The following ULK4 variants were observed in gnomAD, a reference collection of about 807,000 sequenced individuals.
ULK4 encodes the protein inactive serine/threonine-protein kinase ULK4.
A neutral mutation model predicts 160.6 loss-of-function variants in ULK4; 133 were observed. The observed-to-expected ratio is 0.83, with a 90% CI of 0.72 to 0.96. The LOEUF (loss-of-function observed/expected upper bound fraction) is 0.96. Ranked by LOEUF, ULK4 falls within the 40% of genes least tolerant of loss-of-function variation. The pLI is 0.00. For missense variants in ULK4, 1,580 were observed against 1,499.5 expected (o/e 1.05, Z -0.89); for synonymous variants, 534 against 539.8 (o/e 0.99, Z 0.15).
At chr3:41,413,146 G>T (rs2082444524) in intron 34 of ULK4, among the ~76,000 whole-genome samples, 1 of 152,096 alleles carries the variant, frequency 6.6e-6, no homozygotes, top group Admixed American at 6.5e-5. Flanking sequence ...CACGTGAAAG[G>T]GGTTTCCCCT....
intron 35 of ULK4, among the ~76,000 whole-genome samples, chr3:41,301,710 A>C (rs921915424): frequency 1.3e-5 from 2 of 152,206 alleles, no homozygotes; most frequent in African/African-American, 4.8e-5. Flanking sequence ...CCATAAAATC[A>C]AAAGGCTGAA....
At chr3:41,843,329 CAG>C (rs1308500406) in intron 17 of ULK4, among the ~76,000 whole-genome samples, 4 of 152,208 alleles carry the variant, frequency 2.6e-5, no homozygotes, top group Non-Finnish European at 5.9e-5. Flanking sequence ...TGATGAGAAA[CAG>C]AATCACTCAT....
At chr3:41,493,984 G>A (rs985389258) in intron 32 of ULK4, among the ~76,000 whole-genome samples, 59 of 146,636 alleles carry the variant, frequency 4.0e-4, no homozygotes, top group East Asian at 9.8e-4. Flanking sequence ...ATTCACAGCC[G>A]AATTCTACCA....
At chr3:41,901,455 C>G (rs369119958) in intron 12 of ULK4, among the ~76,000 whole-genome samples, 1 of 131,142 alleles carries the variant, frequency 7.6e-6, no homozygotes, top group East Asian at 2.3e-4. Flanking sequence ...GCTGGGATTA[C>G]AGGCGTGAGC....
intron 32 of ULK4, among the ~76,000 whole-genome samples, chr3:41,488,323 T>C (rs17057898): frequency 0.038 from 5,712 of 152,202 alleles, 342 homozygotes; most frequent in African/African-American, 0.13. Flanking sequence ...TCCCTCTGCA[T>C]AGGAAAAAGT....
chr3:41,496,530 GAAGT>G (rs2084997486), intron 32 of ULK4, among the ~76,000 whole-genome samples: 1 of 152,016 alleles, frequency 6.6e-6, no homozygotes, highest in Non-Finnish European at 1.5e-5. Flanking sequence ...TTGCTGATGA[GAAGT>G]AAGAGCTTGA....
intron 32 of ULK4, among the ~76,000 whole-genome samples, chr3:41,508,188 T>C (rs964745948): frequency 3.9e-5 from 6 of 152,154 alleles, no homozygotes; most frequent in African/African-American, 1.4e-4. Flanking sequence ...CCTGGTGACC[T>C]GCGTGACTCA....
chr3:41,758,544 G>A (rs1290793355), intron 21 of ULK4, among the ~76,000 whole-genome samples: 5 of 152,106 alleles, frequency 3.3e-5, no homozygotes, highest in Non-Finnish European at 5.9e-5. Flanking sequence ...AAAACTTGAT[G>A]ACCAAGTGAG....
At chr3:41,937,155 T>C (rs1575982802) in intron 3 of ULK4, 1 of 455,314 alleles carries the variant, frequency 2.2e-6, no homozygotes, top group Non-Finnish European at 3.9e-6. Flanking sequence ...GGAAGAGGTA[T>C]TTGGGGTTTT....
chr3:41,288,579 A>C (rs1030814869), intron 35 of ULK4, among the ~76,000 whole-genome samples: 2 of 152,230 alleles, frequency 1.3e-5, no homozygotes, highest in Non-Finnish European at 1.5e-5. Flanking sequence ...ATGAAAATTC[A>C]AGAAAGAGAA....
chr3:41,840,726 A>G (rs1011102031), intron 17 of ULK4, among the ~76,000 whole-genome samples: 3 of 152,172 alleles, frequency 2.0e-5, no homozygotes, highest in African/African-American at 7.2e-5. Context: ...GATCGCCACA[A>G]CCTCCACCTT....
At chr3:41,442,170 AG>A (rs1168541842) in intron 34 of ULK4, among the ~76,000 whole-genome samples, 1 of 152,186 alleles carries the variant, frequency 6.6e-6, no homozygotes, top group Non-Finnish European at 1.5e-5. Context: ...CTGATGGGAA[AG>A]GGGTATCACT....
chr3:41,303,095 TATAACTTTTTTA>T (rs2079831746), intron 35 of ULK4, among the ~76,000 whole-genome samples: 2 of 152,242 alleles, frequency 1.3e-5, no homozygotes, highest in Admixed American at 1.3e-4. Context: ...GAGCAACTGT[TATAACTTTTTTA>T]AAGTCATTTT....
rs773879420 is a variant in ULK4, at chr3:41,819,452, T to C, written c.1819A>G (p.Thr607Ala). 1.5e-5 allele frequency: 24 copies of C among 1,613,556 alleles called. No homozygotes were observed. In the South Asian group the frequency reaches 2.6e-4, roughly 18 times the overall value. ...TCCCGAAGGCACCTCATTAGCACTG[T>C]GTATGCAGCCAAGGGAACAGCCCAG... The part of the protein sequence containing the change: ...ECWAVPLAAY[T>A]VLMRCLREGE... Residue 607 changes from threonine (T) to alanine (A), a missense_variant, in exon 19 of 37, where the codon ACA (threonine) becomes GCA (alanine). By Grantham distance (58) the Thr-to-Ala change is moderately conservative. Transcript: ENST00000301831.
intron 31 of ULK4, among the ~76,000 whole-genome samples, chr3:41,608,047 T>C (rs747089493): frequency 6.6e-6 from 1 of 152,232 alleles, no homozygotes; most frequent in Non-Finnish European, 1.5e-5. Context: ...TGTATTGTTT[T>C]TGCTACAAAA....
intron 35 of ULK4, among the ~76,000 whole-genome samples, chr3:41,323,358 A>G (rs1305496291): frequency 6.6e-6 from 1 of 151,026 alleles, no homozygotes; most frequent in Non-Finnish European, 1.5e-5. Context: ...GGGGAAGGAA[A>G]AAAAATTAAA....
At chr3:41,319,103 T>C (rs1001223492) in intron 35 of ULK4, among the ~76,000 whole-genome samples, 1 of 152,230 alleles carries the variant, frequency 6.6e-6, no homozygotes, top group African/African-American at 2.4e-5. Flanking sequence ...GTCTTTATTT[T>C]ACTTACATGT....
At chr3:41,407,946 C>A (rs1203969235) in intron 34 of ULK4, among the ~76,000 whole-genome samples, 2 of 151,950 alleles carry the variant, frequency 1.3e-5, no homozygotes, top group Non-Finnish European at 2.9e-5. Flanking sequence ...TCCTAAGGAA[C>A]CCTTTAAAGA....
chr3:41,858,159 T>G lies in ULK4; in HGVS notation c.1657-22188A>C, dbSNP rs1305419472. On this transcript the variant is annotated intron_variant, in intron 17 of 36. Transcript: ENST00000301831. ...GTTTTTTTTGTTTGTTTTTTTTTTTTTTTTTTTTTTTGGCAGAATCTCACT... is the reference window on the plus strand; with the variant it reads ...GTTTTTTTTGTTTGTTTTTTTTTTTGTTTTTTTTTTTGGCAGAATCTCACT... 1.1e-3 allele frequency among the ~76,000 whole-genome samples: 159 copies of G among 144,464 alleles called. 3 individuals carry two copies. Among genetic ancestry groups the G allele is most frequent in the African/African-American group, 3.9e-3 (154 of 39,572 alleles). The allele number at this position is 144,464 out of a possible 152,430, so 94.8% of individuals were successfully genotyped here.
Sources: allele counts gnomAD v4.1 joint callset (sites outside exome capture counted in the v4.1 genomes callset), GRCh38; gene constraint gnomAD v4.1.1; transcripts MANE v1.5; gene names NCBI Gene and HGNC (gene_info 2026-07-23, HGNC 2026-07-21).